SLC25A48: variants seen among roughly 807,000 people sequenced by gnomAD.
SLC25A48 encodes the protein CTC-321K16.1.
SLC25A48 carries 29 observed loss-of-function variants against 32.2 expected under a neutral mutation model. That is an observed-to-expected ratio of 0.90 (90% confidence interval 0.67 to 1.23). The LOEUF (loss-of-function observed/expected upper bound fraction) is 1.23. Among genes scored for constraint, SLC25A48 ranks in the 50% most tolerant of loss-of-function variants. The pLI is 0.00. For synonymous variants in SLC25A48, 164 were observed against 172.3 expected (o/e 0.95, Z 0.38); for missense variants, 399 against 422.7 (o/e 0.94, Z 0.49).
At chr5:135,796,380 C>T (rs1054334941) in intron 3 of SLC25A48, among the ~76,000 whole-genome samples, 14 of 151,246 alleles carry the variant, frequency 9.3e-5, no homozygotes, top group African/African-American at 2.4e-4. Context: ...TGTGATATCA[C>T]GCCTTTTATC....
rs537266371 is a variant in SLC25A48, at chr5:135,868,679, C to CAT, written c.422-2781_422-2780insTA. Among the ~76,000 whole-genome samples, 37 of 115,630 alleles carry CAT rather than the reference C, an allele frequency of 3.2e-4. No homozygotes were observed. In the East Asian group the frequency reaches 7.2e-3, roughly 23 times the overall value. 75.9% of individuals were successfully genotyped at this position (115,630 alleles called of 152,430 possible). On this transcript the variant is annotated intron_variant, in intron 4 of 7. Coordinates refer to ENST00000681962, the MANE Select transcript of SLC25A48 (RefSeq NM_001349336.2). ...ATGTGTATACACACACACACACATA[C>CAT]ACACACACACACACACACACACATT...
chr5:135,762,768 T>C (rs1033149459), intron 3 of SLC25A48, among the ~76,000 whole-genome samples: 1 of 152,016 alleles, frequency 6.6e-6, no homozygotes, highest in Non-Finnish European at 1.5e-5. Flanking sequence ...AGCATGTGTG[T>C]AGGTTAGAGG....
intron 4 of SLC25A48, chr5:135,826,769 A>G (rs1366873664): frequency 6.6e-6 from 1 of 152,192 alleles, no homozygotes; most frequent in Non-Finnish European, 1.5e-5. Flanking sequence ...ACAGCCGGGA[A>G]CTGTGGAGCT....
chr5:135,735,010 G>A (rs913130192), intron 3 of SLC25A48, among the ~76,000 whole-genome samples: 1 of 152,128 alleles, frequency 6.6e-6, no homozygotes, highest in African/African-American at 2.4e-5. Flanking sequence ...AGGGGCTCTG[G>A]GAGTGGCTGC....
chr5:135,743,002 T>C (rs1265333963), intron 3 of SLC25A48, among the ~76,000 whole-genome samples: 7 of 458 alleles, frequency 0.015, no homozygotes, highest in Non-Finnish European at 0.025. Context: ...TCCTCTCCCC[T>C]CCCTTCCCCT....
At chr5:135,753,440 G>A (rs1215011763) in intron 3 of SLC25A48, among the ~76,000 whole-genome samples, 1 of 151,972 alleles carries the variant, frequency 6.6e-6, no homozygotes, top group Admixed American at 6.6e-5. Context: ...ATATCTCAAG[G>A]AAATTATTCC....
chr5:135,821,433 C>T (rs939432957), intron 4 of SLC25A48, among the ~76,000 whole-genome samples: 1 of 152,170 alleles, frequency 6.6e-6, no homozygotes, highest in Non-Finnish European at 1.5e-5. Flanking sequence ...CAGAGAGCAG[C>T]GGCCCATGCA....
At chr5:135,755,578 C>T (rs1228690810) in intron 3 of SLC25A48, among the ~76,000 whole-genome samples, 4 of 151,610 alleles carry the variant, frequency 2.6e-5, no homozygotes, top group East Asian at 1.9e-4. Context: ...AATGAAATAT[C>T]GCTGTGATAT....
At chr5:135,808,773 T>C (rs1757528082) in intron 3 of SLC25A48, among the ~76,000 whole-genome samples, 1 of 152,210 alleles carries the variant, frequency 6.6e-6, no homozygotes, top group African/African-American at 2.4e-5. Context: ...TACTTATCTT[T>C]ACTTTCTCTG....
At chr5:135,696,020 C>T (rs894552082) in intron 3 of SLC25A48, among the ~76,000 whole-genome samples, 3 of 152,360 alleles carry the variant, frequency 2.0e-5, no homozygotes, top group African/African-American at 7.2e-5. Flanking sequence ...CTGCTGCACA[C>T]TGACCTCTCT....
intron 3 of SLC25A48, among the ~76,000 whole-genome samples, chr5:135,725,418 G>T (rs1755066755): frequency 6.6e-6 from 1 of 152,128 alleles, no homozygotes; most frequent in African/African-American, 2.4e-5. Flanking sequence ...ACTCAGGCAG[G>T]GGAAACAGCA....
chr5:135,819,762 TA>T (rs1482448380), intron 4 of SLC25A48, among the ~76,000 whole-genome samples: 1 of 152,164 alleles, frequency 6.6e-6, no homozygotes, highest in African/African-American at 2.4e-5. Context: ...ATAAAGTTAT[TA>T]AAATGGGAAA....
At chr5:135,666,989 G>T (rs576429953) in intron 3 of SLC25A48, among the ~76,000 whole-genome samples, 1 of 152,260 alleles carries the variant, frequency 6.6e-6, no homozygotes, top group Admixed American at 6.5e-5. Context: ...TAATCATTTG[G>T]GAATGGAATC....
intron 3 of SLC25A48, among the ~76,000 whole-genome samples, chr5:135,787,565 T>C (rs1338906077): frequency 1.3e-5 from 2 of 152,050 alleles, no homozygotes; most frequent in Non-Finnish European, 2.9e-5. Context: ...TCACAGGAGG[T>C]GTACACCCTG....
chr5:135,873,071 G>A (rs1229426391), intron 5 of SLC25A48, among the ~76,000 whole-genome samples: 1 of 152,168 alleles, frequency 6.6e-6, no homozygotes, highest in Non-Finnish European at 1.5e-5. Flanking sequence ...GAGGGGCAAG[G>A]GAGTGCACCA....
chr5:135,657,697 T>C (rs940822186), intron 3 of SLC25A48, among the ~76,000 whole-genome samples: 2 of 152,214 alleles, frequency 1.3e-5, no homozygotes, highest in African/African-American at 4.8e-5. Context: ...GTATCTAGTC[T>C]AAATTCCCTG....
At chr5:135,591,684 A>G (rs1250445026) in intron 1 of SLC25A48, among the ~76,000 whole-genome samples, 1 of 152,148 alleles carries the variant, frequency 6.6e-6, no homozygotes, top group African/African-American at 2.4e-5. Context: ...ATCCCAGCCA[A>G]TGGGGAGTGG....
At chr5:135,755,247 TTA>T (rs1755867967) in intron 3 of SLC25A48, among the ~76,000 whole-genome samples, 1 of 152,110 alleles carries the variant, frequency 6.6e-6, no homozygotes, top group Admixed American at 6.6e-5. Flanking sequence ...ACTCTGATAC[TTA>T]TAATAGCCAG....
At chr5:135,681,119 G>A (rs761129198) in intron 3 of SLC25A48, among the ~76,000 whole-genome samples, 11 of 152,232 alleles carry the variant, frequency 7.2e-5, no homozygotes, top group East Asian at 3.9e-4. Context: ...CTGAGTGGCC[G>A]GGATTACAGG....
Sources: allele counts gnomAD v4.1 joint callset (sites outside exome capture counted in the v4.1 genomes callset), GRCh38; gene constraint gnomAD v4.1.1; transcripts MANE v1.5; gene names NCBI Gene and HGNC (gene_info 2026-07-23, HGNC 2026-07-21).